The following IQSEC1 variants were observed in gnomAD, a reference collection of about 807,000 sequenced individuals.
IQSEC1 encodes IQ motif and Sec7 domain ArfGEF 1.
In IQSEC1, 31 loss-of-function variants were observed where a neutral mutation model predicts 91.0. The ratio of observed to expected loss-of-function variants is 0.34; its 90% CI spans 0.26 to 0.46. IQSEC1 has a LOEUF of 0.46. Ranked by LOEUF, IQSEC1 falls within the 20% of genes least tolerant of loss-of-function variation. The pLI is 1.00. For missense variants in IQSEC1, 1,388 were observed against 1,575.6 expected, an observed-to-expected ratio of 0.88 and a Z score of 2.02; for synonymous variants, 699 against 662.6, an observed-to-expected ratio of 1.05 and a Z score of -0.84.
At chr3:13,099,712 C>A (rs1044039193) in intron 2 of IQSEC1, among the ~76,000 whole-genome samples, 5 of 152,232 alleles carry the variant, frequency 3.3e-5, no homozygotes, top group Non-Finnish European at 2.9e-5. Context: ...CTACTCCCCG[C>A]CAACCCGGGA....
At chr3:13,039,398 T>C (rs1704167014) in intron 1 of IQSEC1, among the ~76,000 whole-genome samples, 1 of 152,224 alleles carries the variant, frequency 6.6e-6, no homozygotes, top group Admixed American at 6.5e-5. Flanking sequence ...CACCCTGTGT[T>C]TAGAAGTGGT....
intron 2 of IQSEC1, among the ~76,000 whole-genome samples, chr3:13,102,822 C>T (rs922377361): frequency 1.3e-5 from 2 of 152,120 alleles, no homozygotes; most frequent in African/African-American, 2.4e-5. Flanking sequence ...GAGCACAGCT[C>T]GTTCACGGCT....
chr3:12,954,871 G>A (rs1699800678), intron 1 of IQSEC1, among the ~76,000 whole-genome samples: 1 of 152,224 alleles, frequency 6.6e-6, no homozygotes, highest in Non-Finnish European at 1.5e-5. Context: ...CCGCAGTCAG[G>A]ATGGAAAGCC....
intron 1 of IQSEC1, among the ~76,000 whole-genome samples, chr3:12,944,115 C>G (rs1014964053): frequency 2.0e-5 from 3 of 152,190 alleles, no homozygotes; most frequent in Non-Finnish European, 4.4e-5. Flanking sequence ...CTATCAGTAA[C>G]ACGGTGGGCT....
At chr3:13,113,002 A>C (rs1706275057) in intron 2 of IQSEC1, among the ~76,000 whole-genome samples, 1 of 152,236 alleles carries the variant, frequency 6.6e-6, no homozygotes, top group South Asian at 2.1e-4. Context: ...CACTGTGAGC[A>C]TCAGTCACCG....
chr3:13,089,626 G>C (rs1705802619), intron 2 of IQSEC1, among the ~76,000 whole-genome samples: 1 of 152,140 alleles, frequency 6.6e-6, no homozygotes, highest in Non-Finnish European at 1.5e-5. Context: ...GATATATGTG[G>C]CAACATGGAT....
chr3:13,163,511 T>C (rs2124985103), intron 2 of IQSEC1, among the ~76,000 whole-genome samples: 1 of 91,434 alleles, frequency 1.1e-5, no homozygotes, highest in East Asian at 3.7e-4. Context: ...TCAGGCCCCG[T>C]GGCTGGGGCA....
At chr3:12,955,460 A>AG (rs975777952) in intron 1 of IQSEC1, among the ~76,000 whole-genome samples, 8 of 152,208 alleles carry the variant, frequency 5.3e-5, no homozygotes, top group African/African-American at 1.9e-4. Context: ...GGCTCTGGAT[A>AG]GGGGGCCGAT....
chr3:12,953,990 G>C (rs1443541542), intron 1 of IQSEC1, among the ~76,000 whole-genome samples: 2 of 152,224 alleles, frequency 1.3e-5, no homozygotes, highest in African/African-American at 2.4e-5. Context: ...CTGGTCCTCA[G>C]ACATGGCTGG....
chr3:13,176,350 T>C (rs1693728396), intron 1 of IQSEC1, among the ~76,000 whole-genome samples: 2 of 152,142 alleles, frequency 1.3e-5, no homozygotes, highest in Admixed American at 6.5e-5. Flanking sequence ...TCTTTAGTAA[T>C]ATAGCAGAAA....
chr3:13,115,208 G>GGCCT (rs1407402462), intron 2 of IQSEC1, among the ~76,000 whole-genome samples: 2 of 152,190 alleles, frequency 1.3e-5, no homozygotes, highest in Non-Finnish European at 2.9e-5. Context: ...ACCTGGTCCT[G>GGCCT]GCCTGATTTA....
chr3:13,225,226 T>C (rs1694732031), intron 1 of IQSEC1, among the ~76,000 whole-genome samples: 1 of 152,238 alleles, frequency 6.6e-6, no homozygotes, highest in African/African-American at 2.4e-5. Flanking sequence ...AACGTCCCTT[T>C]TGTCCCCTAA....
intron 1 of IQSEC1, among the ~76,000 whole-genome samples, chr3:13,258,447 C>T (rs1007678890): frequency 2.0e-5 from 3 of 152,116 alleles, no homozygotes; most frequent in Admixed American, 6.5e-5. Context: ...TTTGGAAGGC[C>T]GAGATGGGAG....
chr3:13,206,611 C>T (rs533398792), intron 1 of IQSEC1, among the ~76,000 whole-genome samples: 13 of 152,242 alleles, frequency 8.5e-5, no homozygotes, highest in African/African-American at 3.1e-4. Context: ...TTTTGCAAAT[C>T]ATTAGCAAAA....
intron 2 of IQSEC1, among the ~76,000 whole-genome samples, chr3:13,124,393 C>A (rs1291619047): frequency 6.6e-6 from 1 of 152,204 alleles, no homozygotes; most frequent in African/African-American, 2.4e-5. Flanking sequence ...ACTCCCCAGC[C>A]TCAGTTTCTT....
At chr3:13,034,934 G>A (rs371274409) in intron 1 of IQSEC1, among the ~76,000 whole-genome samples, 41 of 152,322 alleles carry the variant, frequency 2.7e-4, no homozygotes, top group African/African-American at 9.1e-4. Context: ...GCCTCGCCCC[G>A]ACAGGGCACA....
chr3:13,154,485 T>G (rs1348630850), intron 2 of IQSEC1, among the ~76,000 whole-genome samples: 2 of 24,442 alleles, frequency 8.2e-5, no homozygotes, highest in African/African-American at 3.2e-4. Context: ...ATGCAAAAAC[T>G]GATACAACTG....
chr3:12,954,344 C>G (rs942182449), intron 1 of IQSEC1, among the ~76,000 whole-genome samples: 6 of 152,230 alleles, frequency 3.9e-5, no homozygotes, highest in Non-Finnish European at 7.3e-5. Context: ...TCTCCCTCCC[C>G]CCTCACAGCT....
In IQSEC1 at chr3:13,154,445, A is replaced by C. The variant is rs1015856756; in HGVS notation, c.302+9659T>G. 8.0e-4 allele frequency among the ~76,000 whole-genome samples: 73 copies of C among 91,082 alleles called. 9 individuals are homozygous for C. Among genetic ancestry groups the C allele is most frequent in the African/African-American group, 3.0e-3 (72 of 24,072 alleles). 59.8% of individuals were successfully genotyped at this position (91,082 alleles called of 152,430 possible). A position where few individuals can be genotyped will look rare whatever the true frequency, so the allele number is the denominator to read the frequency against. The stretch of plus-strand genomic sequence containing the variant: ...GAAGCTGGAACTTACATGCATATAT[A>C]TATATATATATATATATATATATAT... On this transcript the variant is annotated intron_variant, in intron 2 of 15. Coordinates refer to the IQSEC1 transcript ENST00000648114.
Sources: gnomAD v4.1 joint callset for allele counts (sites outside exome capture counted in the v4.1 genomes callset) on GRCh38, gnomAD v4.1.1 for gene constraint, MANE v1.5 for transcripts, NCBI Gene and HGNC (gene_info 2026-07-23, HGNC 2026-07-21) for gene names.